DPF3: variants seen among roughly 807,000 people sequenced by gnomAD.
The protein encoded by DPF3 is double PHD fingers 3, also known as zinc finger protein DPF3.
A neutral mutation model predicts 56.8 loss-of-function variants in DPF3; 18 were observed. The ratio of observed to expected loss-of-function variants is 0.32; its 90% CI spans 0.22 to 0.47. The LOEUF is 0.47. Ranked by LOEUF, DPF3 falls within the 20% of genes least tolerant of loss-of-function variation. The probability of loss-of-function intolerance (pLI) is 1.00; values close to 1 mark genes in which losing one functional copy is unlikely to be tolerated. For synonymous variants in DPF3, 188 were observed against 180.2 expected (o/e 1.04, Z -0.35); for missense variants, 403 against 488.8 (o/e 0.82, Z 1.65).
At chr14:72,629,864 A>T (rs1047525877) in intron 8 of DPF3, 128 bp from the exon 9 acceptor site, 2 of 744,166 alleles carry the variant, frequency 2.7e-6, no homozygotes, top group African/African-American at 3.5e-5. Flanking sequence ...AGGGAAAAAA[A>T]TGGGGACCCA....
intron 8 of DPF3, among the ~76,000 whole-genome samples, chr14:72,663,166 C>CAACAAAAAAAA (rs1886294078): frequency 2.3e-5 from 2 of 88,526 alleles, no homozygotes; most frequent in Non-Finnish European, 4.3e-5. Context: ...TGGGTGTTAG[C>CAACAAAAAAAA]AAAAAAAAAA....
At chr14:72,710,146 G>A (rs1187303277) in intron 6 of DPF3, among the ~76,000 whole-genome samples, 2 of 152,188 alleles carry the variant, frequency 1.3e-5, no homozygotes, top group Admixed American at 1.3e-4. Context: ...ATTCGGGCTT[G>A]GGAGCAATTA....
At chr14:72,684,870 A>G (rs1887339349) in intron 7 of DPF3, among the ~76,000 whole-genome samples, 1 of 152,146 alleles carries the variant, frequency 6.6e-6, no homozygotes, top group Non-Finnish European at 1.5e-5. Flanking sequence ...TGGGGTCATG[A>G]GGGTGGGGTC....
intron 1 of DPF3, among the ~76,000 whole-genome samples, chr14:72,816,924 A>T (rs1175195905): frequency 6.6e-6 from 1 of 152,238 alleles, no homozygotes; most frequent in Admixed American, 6.5e-5. Flanking sequence ...TCTGAAATCA[A>T]GAACAGGCAA....
chr14:72,646,393 G>T (rs1885722790), intron 8 of DPF3, among the ~76,000 whole-genome samples: 1 of 152,162 alleles, frequency 6.6e-6, no homozygotes, highest in Admixed American at 6.6e-5. Flanking sequence ...GCCCATGAGT[G>T]CCCTCAGCAT....
chr14:72,753,496 C>T, intron 2 of DPF3, 125 bp from the exon 3 acceptor site: 1 of 742,474 alleles, frequency 1.3e-6, no homozygotes, highest in Non-Finnish European at 2.1e-6. Context: ...GACTTGTCAA[C>T]ATCACAAAGC....
At chr14:72,791,803 C>T (rs1212227626) in intron 1 of DPF3, among the ~76,000 whole-genome samples, 2 of 152,182 alleles carry the variant, frequency 1.3e-5, no homozygotes, top group East Asian at 1.9e-4. Flanking sequence ...GGAATTAGAT[C>T]CCAGGTCAGC....
intron 1 of DPF3, among the ~76,000 whole-genome samples, chr14:72,835,896 C>T (rs1413627906): frequency 6.6e-6 from 1 of 152,168 alleles, no homozygotes; most frequent in Non-Finnish European, 1.5e-5. Flanking sequence ...CACCCAGAAG[C>T]CACCAAAAAC....
chr14:72,799,944 T>C (rs983154514), intron 1 of DPF3, among the ~76,000 whole-genome samples: 6 of 151,742 alleles, frequency 4.0e-5, no homozygotes, highest in Admixed American at 3.9e-4. Context: ...CTAGACCGAG[T>C]CACGAGTGAA....
At position 72,613,293 on chromosome 14, in the gene DPF3, G is replaced by C. The variant is rs543766762; in HGVS notation, c.*6004C>G. ...GTCCCCACCATGGCCGCGTTTATTT[G>C]CTAGACAGGGTTGGTGCCAGCCTAC... On this transcript the variant is annotated 3_prime_UTR_variant, in exon 11 of 11. Transcript: ENST00000556509. Among the ~76,000 whole-genome samples, 188 of 152,218 alleles carry C rather than the reference G, an allele frequency of 1.2e-3. No homozygotes were observed. The highest frequency in any genetic ancestry group is 4.1e-3 in the African/African-American group (169 of 41,538).
intron 1 of DPF3, among the ~76,000 whole-genome samples, chr14:72,810,029 T>C (rs1211337119): frequency 6.6e-6 from 1 of 152,196 alleles, no homozygotes; most frequent in Non-Finnish European, 1.5e-5. Flanking sequence ...CCTGTACATG[T>C]TGAGAATCTA....
chr14:72,769,358 G>C (rs1249467984), intron 2 of DPF3, among the ~76,000 whole-genome samples: 1 of 152,092 alleles, frequency 6.6e-6, no homozygotes, highest in Non-Finnish European at 1.5e-5. Context: ...TGGCAAGAAG[G>C]CCATCAGAAA....
intron 1 of DPF3, among the ~76,000 whole-genome samples, chr14:72,868,378 C>A (rs2140107771): frequency 6.6e-6 from 1 of 152,278 alleles, no homozygotes. Flanking sequence ...AGCACTTGTT[C>A]CGGTTATAAC....
rs1883998335 is a variant in DPF3, at chr14:72,614,906, A to C, written c.*4391T>G. Reference sequence around the variant, plus strand: ...CCACCAGAGATCCTCACCCCTCCCAAATGCCCTCCCACCCTCCCTTCCCCA... The same window carrying C: ...CCACCAGAGATCCTCACCCCTCCCACATGCCCTCCCACCCTCCCTTCCCCA... On this transcript the variant is annotated 3_prime_UTR_variant, in exon 11 of 11. Transcript: ENST00000556509. Among the ~76,000 whole-genome samples, 1 of 151,152 alleles carries C rather than the reference A, an allele frequency of 6.6e-6. No individual in the cohort carries two copies.
In DPF3 at chr14:72,673,992, C is replaced by A. The variant is rs1037746659; in HGVS notation, c.871+248G>T. On this transcript the variant is annotated intron_variant, in intron 8 of 10. Transcript: ENST00000556509. ...AAAAACACGCACAAAGAAATATGCACCTCATGGAAAGGCCAGACACAAACC... is the reference window on the plus strand; with the variant it reads ...AAAAACACGCACAAAGAAATATGCAACTCATGGAAAGGCCAGACACAAACC... The A allele has an allele frequency of 3.7e-5, 18 of 484,092 alleles. 1 individual carries two copies. Among genetic ancestry groups the A allele is most frequent in the Non-Finnish European group, 6.4e-5 (18 of 280,058 alleles). The allele number at this position is 484,092 out of a possible 1,614,324, so 30.0% of individuals were successfully genotyped here.
At position 72,800,837 on chromosome 14, in the gene DPF3, T is replaced by C. The variant is rs114431937; in HGVS notation, c.33-28944A>G. Among the ~76,000 whole-genome samples the C allele has an allele frequency of 5.7e-3, 872 of 152,328 alleles. 9 individuals are homozygous for C. The highest frequency in any genetic ancestry group is 0.02 in the African/African-American group (830 of 41,556). On this transcript the variant is annotated intron_variant, in intron 1 of 10. Coordinates refer to ENST00000556509, the MANE Select transcript of DPF3 (RefSeq NM_001280542.3). ...GGATAGGCAGACAAGCAAGCAGTTA[T>C]GTAGTTGCAAGTTGAACCTACACAC...
intron 1 of DPF3, among the ~76,000 whole-genome samples, chr14:72,832,611 C>G (rs1884107916): frequency 6.6e-6 from 1 of 152,176 alleles, no homozygotes; most frequent in African/African-American, 2.4e-5. Context: ...GGGCAAATGT[C>G]AGAATTTTTC....
At chr14:72,681,911 G>A (rs1353985272) in intron 7 of DPF3, among the ~76,000 whole-genome samples, 1 of 152,184 alleles carries the variant, frequency 6.6e-6, no homozygotes, top group African/African-American at 2.4e-5. Flanking sequence ...GTAAGAAAAA[G>A]ACCAAGTAAA....
intron 1 of DPF3, among the ~76,000 whole-genome samples, chr14:72,845,963 C>T (rs1191501364): frequency 6.6e-6 from 1 of 152,058 alleles, no homozygotes; most frequent in Non-Finnish European, 1.5e-5. Context: ...TGCTGAAGGG[C>T]CTCCAGAAAG....
Sources: gnomAD v4.1 joint callset for allele counts (sites outside exome capture counted in the v4.1 genomes callset) on GRCh38, gnomAD v4.1.1 for gene constraint, MANE v1.5 for transcripts, NCBI Gene and HGNC (gene_info 2026-07-23, HGNC 2026-07-21) for gene names.